Variants in STX8 observed in about 807,000 individuals in gnomAD.
STX8 encodes syntaxin 8.
STX8 carries 23 observed loss-of-function variants against 37.5 expected under a neutral mutation model. The observed-to-expected ratio is 0.61, with a 90% CI of 0.44 to 0.87. The LOEUF is 0.87. STX8 is among the 40% of genes least tolerant of loss of function. The probability of loss-of-function intolerance (pLI) is 0.00; values close to 1 mark genes in which losing one functional copy is unlikely to be tolerated. For synonymous variants in STX8, 115 were observed against 99.1 expected (o/e 1.16, Z -0.95); for missense variants, 313 against 284.7 (o/e 1.10, Z -0.71).
intron 4 of STX8, among the ~76,000 whole-genome samples, chr17:9,513,685 G>A (rs1354948806): frequency 6.6e-6 from 1 of 152,146 alleles, no homozygotes; most frequent in African/African-American, 2.4e-5. Flanking sequence ...TTATCCAAAG[G>A]AAAGAAAATC....
chr17:9,270,927 C>T (rs1347287644), intron 7 of STX8, among the ~76,000 whole-genome samples: 4 of 152,200 alleles, frequency 2.6e-5, no homozygotes, highest in African/African-American at 9.7e-5. Flanking sequence ...GGGTTCCTAT[C>T]ACAGATGATT....
chr17:9,554,065 G>C (rs1906870561), intron 3 of STX8: 1 of 152,146 alleles, frequency 6.6e-6, no homozygotes, highest in African/African-American at 2.4e-5. Flanking sequence ...TTCGAGACCA[G>C]CTTAGACAAC....
chr17:9,491,014 A>G (rs1384037130), intron 6 of STX8, among the ~76,000 whole-genome samples: 1 of 152,138 alleles, frequency 6.6e-6, no homozygotes, highest in Non-Finnish European at 1.5e-5. Context: ...CTGCCACTCA[A>G]CGACTCCACG....
intron 4 of STX8, among the ~76,000 whole-genome samples, chr17:9,524,381 T>C (rs1182936002): frequency 1.3e-5 from 2 of 152,186 alleles, no homozygotes; most frequent in Non-Finnish European, 2.9e-5. Context: ...GAGGACTTTT[T>C]CTCTGCTCCA....
At chr17:9,420,832 T>C (rs1300654297) in intron 6 of STX8, among the ~76,000 whole-genome samples, 1 of 152,202 alleles carries the variant, frequency 6.6e-6, no homozygotes, top group Non-Finnish European at 1.5e-5. Context: ...TCTCGTTTTA[T>C]CCAACCAGAA....
At chr17:9,442,723 G>C (rs546856671) in intron 6 of STX8, among the ~76,000 whole-genome samples, 2 of 152,216 alleles carry the variant, frequency 1.3e-5, no homozygotes, top group African/African-American at 4.8e-5. Flanking sequence ...CTTCTTTATT[G>C]AAACTTTAGT....
chr17:9,253,293 G>C (rs1906662692), intron 7 of STX8, among the ~76,000 whole-genome samples: 1 of 151,886 alleles, frequency 6.6e-6, no homozygotes, highest in African/African-American at 2.4e-5. Context: ...GGGTGTGTGT[G>C]TGTATGCGTA....
intron 7 of STX8, among the ~76,000 whole-genome samples, chr17:9,339,490 T>TA (rs1429922893): frequency 6.6e-6 from 1 of 152,068 alleles, no homozygotes; most frequent in Non-Finnish European, 1.5e-5. Context: ...CTGTCTCTGC[T>TA]AAAAATACAA....
In STX8 at chr17:9,568,409, G is replaced by C. The variant is rs762587055; in HGVS notation, c.79C>G (p.Arg27Gly). ...TCACCTTTTCTTTCATATTGATTTC[G>C]TTGTTGAATTTTCTCAGCAATTTCT... ...AQEIAEKIQQ[R>G]NQYERKGEKA... is the part of the protein sequence containing the mutation. Residue 27 changes from arginine (R) to glycine (G), a missense_variant, in exon 2 of 8, where the codon CGA (arginine) becomes GGA (glycine). Physicochemically the swap from Arg to Gly is moderately radical, Grantham distance 125. Coordinates refer to ENST00000306357, the MANE Select transcript of STX8 (RefSeq NM_004853.3). The C allele has an allele frequency of 2.5e-6, 4 of 1,612,472 alleles. No homozygotes were observed. The highest frequency in any genetic ancestry group is 3.4e-6 in the Non-Finnish European group (4 of 1,179,760).
chr17:9,558,030 G>A (rs1296740250), intron 2 of STX8, among the ~76,000 whole-genome samples: 1 of 152,110 alleles, frequency 6.6e-6, no homozygotes, highest in South Asian at 2.1e-4. Flanking sequence ...AACGTTTTAC[G>A]GCAATGTGTT....
At chr17:9,538,647 T>C (rs572781997) in intron 4 of STX8, among the ~76,000 whole-genome samples, 3 of 152,350 alleles carry the variant, frequency 2.0e-5, no homozygotes, top group African/African-American at 7.2e-5. Flanking sequence ...TTCATTATCA[T>C]CTTCTTTTGA....
intron 6 of STX8, among the ~76,000 whole-genome samples, chr17:9,489,579 C>T (rs1644621399): frequency 6.6e-6 from 1 of 152,060 alleles, no homozygotes; most frequent in Non-Finnish European, 1.5e-5. Context: ...ACATGATCAT[C>T]AGTTTGGTGG....
chr17:9,335,758 ATAAAT>A lies in STX8; in HGVS notation c.643+42789_643+42793del, dbSNP rs1248654771. On this transcript the variant is annotated intron_variant, in intron 7 of 7. Transcript: ENST00000306357. ...ATCTTTACCTCAAGAATTTCGAAAA[ATAAAT>A]TATAGTTACACTAATACAACCATGG... Among the ~76,000 whole-genome samples, 4 of 152,200 alleles carry A rather than the reference ATAAAT, an allele frequency of 2.6e-5. No homozygotes were observed. In the East Asian group the frequency reaches 5.8e-4, roughly 22 times the overall value.
chr17:9,466,811 G>A (rs893800120), intron 6 of STX8, among the ~76,000 whole-genome samples: 1 of 152,178 alleles, frequency 6.6e-6, no homozygotes, highest in Admixed American at 6.5e-5. Flanking sequence ...CACCTCCGAA[G>A]CATGAGGCAT....
At chr17:9,433,637 T>C (rs900669689) in intron 6 of STX8, among the ~76,000 whole-genome samples, 2 of 149,854 alleles carry the variant, frequency 1.3e-5, no homozygotes, top group African/African-American at 2.5e-5. Context: ...GAAAAAAGAA[T>C]GGGAAAAAAT....
intron 7 of STX8, among the ~76,000 whole-genome samples, chr17:9,302,284 G>T (rs1567775353): frequency 6.6e-6 from 1 of 151,512 alleles, no homozygotes; most frequent in South Asian, 2.1e-4. Context: ...TGGTGGTTTT[G>T]TTTTTTTTCT....
intron 6 of STX8, among the ~76,000 whole-genome samples, chr17:9,464,431 C>G (rs1905523140): frequency 6.6e-6 from 1 of 152,204 alleles, no homozygotes; most frequent in Non-Finnish European, 1.5e-5. Context: ...CCATGCATTA[C>G]ACAGAGTAGG....
At chr17:9,465,067 G>A (rs529843807) in intron 6 of STX8, among the ~76,000 whole-genome samples, 2 of 152,084 alleles carry the variant, frequency 1.3e-5, no homozygotes, top group South Asian at 4.2e-4. Flanking sequence ...GAGCTTTTTA[G>A]GTTTCAATGT....
chr17:9,377,315 T>C (rs928562712), intron 7 of STX8, among the ~76,000 whole-genome samples: 1 of 151,774 alleles, frequency 6.6e-6, no homozygotes, highest in African/African-American at 2.4e-5. Context: ...TTTTTTTTTT[T>C]AAAGACACAA....
Sources: gnomAD v4.1 joint callset for allele counts (sites outside exome capture counted in the v4.1 genomes callset) on GRCh38, gnomAD v4.1.1 for gene constraint, MANE v1.5 for transcripts, NCBI Gene and HGNC (gene_info 2026-07-23, HGNC 2026-07-21) for gene names.